Variants in ANKRD54 observed in about 807,000 individuals in gnomAD.
ANKRD54 encodes ankyrin repeat domain-containing protein 54.
In ANKRD54, 26 loss-of-function variants were observed where a neutral mutation model predicts 36.2. The observed-to-expected ratio is 0.72, with a 90% CI of 0.53 to 1.00. The LOEUF (loss-of-function observed/expected upper bound fraction) is 1.00. Ranked by LOEUF, ANKRD54 falls within the 50% of genes least tolerant of loss-of-function variation. ANKRD54 has a pLI of 0.00. For synonymous variants in ANKRD54, 209 were observed against 188.4 expected, an observed-to-expected ratio of 1.11 and a Z score of -0.89; for missense variants, 384 against 424.3, an observed-to-expected ratio of 0.91 and a Z score of 0.83.
chr22:37,846,944 C>A (rs996251450), upstream of ANKRD54, among the ~76,000 whole-genome samples: 1 of 151,100 alleles, frequency 6.6e-6, no homozygotes, highest in African/African-American at 2.4e-5. Context: ...AGCTCCGCCT[C>A]CCGGGTTCAC....
At chr22:37,842,651 T>A (rs796115718) in intron 1 of ANKRD54, among the ~76,000 whole-genome samples, 10 of 152,366 alleles carry the variant, frequency 6.6e-5, no homozygotes, top group African/African-American at 2.2e-4. Flanking sequence ...ATCGGAGATA[T>A]GGTCAAAAAT....
rs1923108814 is a variant in ANKRD54 at position 37,833,149 on chromosome 22, AACC to A, written c.595+7_595+9del. 6.2e-7 allele frequency: 1 copy of A among 1,613,798 alleles called. No homozygotes were observed. Among genetic ancestry groups the A allele is most frequent in the African/African-American group, 1.3e-5 (1 of 74,920 alleles). ...GAGAAAGAGGACAGAGAGGGGAAGA[AACC>A]ACATACCTCCTCGTAGCAGTGTGGT... On this transcript the variant is annotated splice_region_variant and intron_variant, in intron 5 of 7. Transcript: ENST00000215941.
upstream of ANKRD54, chr22:37,844,482 G>C (rs1924707352): frequency 4.7e-6 from 2 of 427,874 alleles, no homozygotes; most frequent in Non-Finnish European, 8.3e-6. Context: ...AGGATAATTG[G>C]ACAGGGTTTC....
chr22:37,843,106 C>T (rs1188355761), intron 1 of ANKRD54, among the ~76,000 whole-genome samples: 2 of 152,224 alleles, frequency 1.3e-5, no homozygotes. Context: ...CCTTACTTAA[C>T]TCATCCCATT....
At chr22:37,841,307 C>T (rs1206674800) in intron 1 of ANKRD54, among the ~76,000 whole-genome samples, 1 of 151,962 alleles carries the variant, frequency 6.6e-6, no homozygotes, top group African/African-American at 2.4e-5. Flanking sequence ...GGGCAGATTG[C>T]CTGTGCTCTG....
At chr22:37,844,547 C>T (rs1924713136), upstream of ANKRD54, 1 of 346,674 alleles carries the variant, frequency 2.9e-6, no homozygotes, top group Non-Finnish European at 5.2e-6. Flanking sequence ...GTGACCTTGG[C>T]TTTCGCTGTA....
chr22:37,831,613 C>T lies in ANKRD54; in HGVS notation c.*330G>A, dbSNP rs755339752. ...AGAGAAGGGTCTGAGGCCTGGAGCG[C>T]GCCATGAAGGCCATGGGGCAAGTGA... On this transcript the variant is annotated 3_prime_UTR_variant, in exon 8 of 8. Transcript: ENST00000215941. 16 of 329,718 alleles carry T rather than the reference C, an allele frequency of 4.9e-5. No homozygotes were observed. Among genetic ancestry groups the T allele is most frequent in the South Asian group, 1.7e-4 (4 of 22,908 alleles). The allele number at this position is 329,718 out of a possible 1,614,324, so 20.4% of individuals were successfully genotyped here.
chr22:37,833,248 G>A (rs748117077), intron 4 of ANKRD54, 42 bp from the exon 5 acceptor site: 1 of 1,609,002 alleles, frequency 6.2e-7, no homozygotes, highest in East Asian at 2.2e-5. Flanking sequence ...AGGACCACCA[G>A]AGCCTGGCTC....
At chr22:37,835,985 C>T (rs957965235) in intron 3 of ANKRD54, among the ~76,000 whole-genome samples, 1 of 151,992 alleles carries the variant, frequency 6.6e-6, no homozygotes, top group Non-Finnish European at 1.5e-5. Context: ...CAGGCACCCG[C>T]CACCACACCC....
At chr22:37,833,137 G>T in intron 5 of ANKRD54, 22 bp downstream of exon 5, 1 of 1,613,838 alleles carries the variant, frequency 6.2e-7, no homozygotes, top group African/African-American at 1.3e-5. Flanking sequence ...AAAGAGGACA[G>T]AGAGGGGAAG....
chr22:37,838,298 C>T (rs984569711), intron 3 of ANKRD54, among the ~76,000 whole-genome samples: 1 of 152,198 alleles, frequency 6.6e-6, no homozygotes, highest in Admixed American at 6.5e-5. Flanking sequence ...TTATCTCCCC[C>T]AGGTTTACCC....
At chr22:37,844,534 G>A (rs968851183), upstream of ANKRD54, 11 of 371,084 alleles carry the variant, frequency 3.0e-5, no homozygotes, top group East Asian at 4.5e-4. Flanking sequence ...TTACAAACTT[G>A]AAGTGACCTT....
intron 3 of ANKRD54, among the ~76,000 whole-genome samples, chr22:37,835,615 G>A (rs1923422126): frequency 6.6e-6 from 1 of 152,070 alleles, no homozygotes; most frequent in African/African-American, 2.4e-5. Context: ...GAGAACAGCT[G>A]GGTAACATAG....
At chr22:37,841,544 AC>A (rs1924244099) in intron 1 of ANKRD54, among the ~76,000 whole-genome samples, 4 of 147,660 alleles carry the variant, frequency 2.7e-5, no homozygotes, top group Admixed American at 6.8e-5. Flanking sequence ...ACACACACAC[AC>A]ACACACACAC....
chr22:37,833,922 T>G (rs1222093391), intron 3 of ANKRD54, 167 bp from the exon 4 acceptor site: 1 of 643,822 alleles, frequency 1.6e-6, no homozygotes, highest in African/African-American at 1.8e-5. Context: ...CTTACCAGAG[T>G]TCATGGGCAA....
At chr22:37,833,280 A>G in intron 4 of ANKRD54, 74 bp from the exon 5 acceptor site, 1 of 1,574,072 alleles carries the variant, frequency 6.4e-7, no homozygotes, top group Middle Eastern at 1.9e-4. Context: ...TGGAGGGAGC[A>G]GGGCTGTGTC....
chr22:37,831,931 G>C lies in ANKRD54; in HGVS notation c.*12C>G. ...GGTGGGGCAGTGGCAGGAAGGCAGG[G>C]AGCCTCTCTTGCTACCTCTTCTCCA... On this transcript the variant is annotated 3_prime_UTR_variant, in exon 8 of 8. Coordinates refer to ENST00000215941, the MANE Select transcript of ANKRD54 (RefSeq NM_138797.4). 1 of 1,612,948 alleles carries C rather than the reference G, an allele frequency of 6.2e-7. No individual in the cohort carries two copies.
At chr22:37,840,517 C>T (rs2145980239) in intron 1 of ANKRD54, among the ~76,000 whole-genome samples, 1 of 152,178 alleles carries the variant, frequency 6.6e-6, no homozygotes, top group South Asian at 2.1e-4. Flanking sequence ...AGAGATCGCG[C>T]CACTGCACTC....
rs535019222 is a variant in ANKRD54, at chr22:37,840,481, C to T, written c.329-247G>A. Among the ~76,000 whole-genome samples, 675 of 151,972 alleles carry T rather than the reference C, an allele frequency of 4.4e-3. 2 individuals carry two copies. The highest frequency in any genetic ancestry group is 7.2e-3 in the Non-Finnish European group (491 of 67,980). On this transcript the variant is annotated intron_variant, in intron 1 of 7. Transcript: ENST00000215941. ...GGCTGAGGCGGGTGAATGGCGTGAA[C>T]CTGGGAGGTGGAGCTTGCAGTGAGC...
Sources: allele counts gnomAD v4.1 joint callset (sites outside exome capture counted in the v4.1 genomes callset), GRCh38; gene constraint gnomAD v4.1.1; transcripts MANE v1.5; gene names NCBI Gene and HGNC (gene_info 2026-07-23, HGNC 2026-07-21).